The following OR10G4 variants were observed in gnomAD, a reference collection of about 807,000 sequenced individuals.
The protein encoded by OR10G4 is olfactory receptor family 10 subfamily G member 4.
For missense variants in OR10G4, 318 were observed against 388.8 expected (o/e 0.82, Z 1.53); for synonymous variants, 130 against 159.3 (o/e 0.82, Z 1.39).
In OR10G4 at chr11:124,017,814, A is replaced by T. The variant is rs933597083; in HGVS notation, c.*1304A>T. On this transcript the variant is annotated 3_prime_UTR_variant, in exon 2 of 2. Coordinates refer to ENST00000641722, the MANE Select transcript of OR10G4 (RefSeq NM_001004462.2). ...GAATCTCTTGAAGAAATAAAGGATAACTGAAAGATTGACAACACTAGTTAT... is the reference window on the plus strand; with the variant it reads ...GAATCTCTTGAAGAAATAAAGGATATCTGAAAGATTGACAACACTAGTTAT... 1.3e-5 allele frequency: 2 copies of T among 152,204 alleles called. No homozygotes were observed. Among genetic ancestry groups the T allele is most frequent in the African/African-American group, 4.8e-5 (2 of 41,452 alleles). The allele number at this position is 152,204 out of a possible 1,614,324, so 9.4% of individuals were successfully genotyped here.
intron 1 of OR10G4, among the ~76,000 whole-genome samples, chr11:124,014,196 C>T (rs1863995779): frequency 6.6e-6 from 1 of 152,056 alleles, no homozygotes; most frequent in African/African-American, 2.4e-5. Context: ...TTCTTACCTT[C>T]TCTAAGAGAC....
rs185523483 is a variant in OR10G4, at chr11:124,017,217, A to G, written c.*707A>G. ...TTGTATACTCACAGAATAGATTACT[A>G]TCCAGCAATGATAACGAATGATCTA... On this transcript the variant is annotated 3_prime_UTR_variant, in exon 2 of 2. Transcript: ENST00000641722. 6 of 152,236 alleles carry G rather than the reference A, an allele frequency of 3.9e-5. No homozygotes were observed. The highest frequency in any genetic ancestry group is 3.9e-4 in the Admixed American group (6 of 15,276). 9.4% of individuals were successfully genotyped at this position (152,236 alleles called of 1,614,324 possible).
intron 1 of OR10G4, among the ~76,000 whole-genome samples, chr11:124,014,631 T>G (rs6590036): frequency 0.7 from 106,940 of 151,952 alleles, 38,253 homozygotes; most frequent in Admixed American, 0.8. Context: ...TTAATGCTGA[T>G]AATTTATCAG....
Position 124,018,210 on chromosome 11 carries a change from T to G in OR10G4, c.*1700T>G, listed in dbSNP as rs905672273. On this transcript the variant is annotated 3_prime_UTR_variant, in exon 2 of 2. Coordinates refer to ENST00000641722, the MANE Select transcript of OR10G4 (RefSeq NM_001004462.2). ...TAAAATACTTTTTTAAATTTATTTT[T>G]TATTATTATACTTTAAGTTCTGGCA... 6.6e-6 allele frequency: 1 copy of G among 152,238 alleles called. No homozygotes were observed. The highest frequency in any genetic ancestry group is 2.4e-5 in the African/African-American group (1 of 41,476). 9.4% of individuals were successfully genotyped at this position (152,238 alleles called of 1,614,324 possible).
At chr11:124,014,660 T>C (rs1052656988) in intron 1 of OR10G4, among the ~76,000 whole-genome samples, 8 of 152,226 alleles carry the variant, frequency 5.3e-5, no homozygotes, top group Non-Finnish European at 1.2e-4. Context: ...GTGATGTTAG[T>C]GATGTCAAAT....
rs61908597 is a variant in OR10G4, at chr11:124,016,468, G to C, written c.894G>C (p.Val298=). ...TLRNKEVKKA[V]LKLRDKVAHP... ...GAAACAAGGAGGTGAAGAAAGCTGT[G>C]TTGAAACTTAGAGACAAAGTAGCAC... Residue 298 remains valine, a synonymous_variant, in exon 2 of 2, where the codon GTG becomes GTC. Transcript: ENST00000641722. 7.5e-6 allele frequency: 12 copies of C among 1,609,182 alleles called. No homozygotes were observed. The highest frequency in any genetic ancestry group is 1.0e-5 in the Non-Finnish European group (12 of 1,177,666).
rs1248385407 is a variant in OR10G4 at position 124,018,537 on chromosome 11, T to C, written c.*2027T>C. ...CCCTACAAAGAACATGAACTCATCC[T>C]TTCTTATGGCTGCATAGTATTCCAT... is the stretch of plus-strand genomic sequence containing the variant. On this transcript the variant is annotated 3_prime_UTR_variant, in exon 2 of 2. Coordinates refer to ENST00000641722, the MANE Select transcript of OR10G4 (RefSeq NM_001004462.2). 1 of 152,232 alleles carries C rather than the reference T, an allele frequency of 6.6e-6. No individual in the cohort carries two copies. Among genetic ancestry groups the C allele is most frequent in the Non-Finnish European group, 1.5e-5 (1 of 68,046 alleles). The allele number at this position is 152,232 out of a possible 1,614,324, so 9.4% of individuals were successfully genotyped here.
Position 124,017,173 on chromosome 11 carries a change from C to T in OR10G4, c.*663C>T, listed in dbSNP as rs1190531191. On this transcript the variant is annotated 3_prime_UTR_variant, in exon 2 of 2. Transcript: ENST00000641722. The stretch of plus-strand genomic sequence containing the variant: ...CTAGCTATTAATATTTAAAATATTA[C>T]CAATGAATCAATTAGAAATTGTATA... 6.6e-6 allele frequency: 1 copy of T among 152,068 alleles called. No homozygotes were observed. The highest frequency in any genetic ancestry group is 1.5e-5 in the Non-Finnish European group (1 of 68,026). 9.4% of individuals were successfully genotyped at this position (152,068 alleles called of 1,614,324 possible).
chr11:124,014,501 G>A (rs368602083), intron 1 of OR10G4, among the ~76,000 whole-genome samples: 7 of 152,064 alleles, frequency 4.6e-5, no homozygotes, highest in African/African-American at 1.7e-4. Context: ...GCCCTGCTTC[G>A]GCTCACACAT....
intron 1 of OR10G4, among the ~76,000 whole-genome samples, chr11:124,014,091 G>C (rs762254013): frequency 6.6e-6 from 1 of 152,134 alleles, no homozygotes; most frequent in Non-Finnish European, 1.5e-5. Flanking sequence ...CCTAGTGTAA[G>C]AGAAACAGGG....
chr11:124,018,189 A>G lies in OR10G4; in HGVS notation c.*1679A>G, dbSNP rs562943008. 34 of 152,190 alleles carry G rather than the reference A, an allele frequency of 2.2e-4. No homozygotes were observed. The highest frequency in any genetic ancestry group is 4.4e-4 in the Non-Finnish European group (30 of 68,034). The allele number at this position is 152,190 out of a possible 1,614,324, so 9.4% of individuals were successfully genotyped here. A position where few individuals can be genotyped will look rare whatever the true frequency, so the allele number is the denominator to read the frequency against. ...CCTTCTTGGAAAAAAATTAATTAAAATACTTTTTTAAATTTATTTTTTATT... is the reference window on the plus strand; with the variant it reads ...CCTTCTTGGAAAAAAATTAATTAAAGTACTTTTTTAAATTTATTTTTTATT... On this transcript the variant is annotated 3_prime_UTR_variant, in exon 2 of 2. Transcript: ENST00000641722.
intron 1 of OR10G4, chr11:124,014,802 C>T (rs1223991406): frequency 6.6e-6 from 1 of 152,070 alleles, no homozygotes; most frequent in Non-Finnish European, 1.5e-5. Flanking sequence ...AGGTGGAATC[C>T]CAAGGAGCCC....
At position 124,017,075 on chromosome 11, in the gene OR10G4, GTGTA is replaced by G. The variant is rs1864027954; in HGVS notation, c.*571_*574del. ...TATAGGTTTTCATATATTTATGTAT[GTGTA>G]TGTATTTGCCTATTTACATATATAT... On this transcript the variant is annotated 3_prime_UTR_variant, in exon 2 of 2. Transcript: ENST00000641722. The G allele has an allele frequency of 6.6e-6, 1 of 152,122 alleles. No homozygotes were observed. The highest frequency in any genetic ancestry group is 1.5e-5 in the Non-Finnish European group (1 of 68,036). The allele number at this position is 152,122 out of a possible 1,614,324, so 9.4% of individuals were successfully genotyped here.
Position 124,015,955 on chromosome 11 carries a change from C to T in OR10G4, c.381C>T (p.Tyr127=), listed in dbSNP as rs201562737. 3.8e-5 allele frequency: 61 copies of T among 1,613,864 alleles called. No individual in the cohort carries two copies. The highest frequency in any genetic ancestry group is 5.0e-5 in the Non-Finnish European group (59 of 1,179,956). ...MSYDRYLAIS[Y]PLRYTSMMSG... is the part of the protein sequence containing the mutation. ...ATGATCGCTACTTGGCCATCAGTTA[C>T]CCGCTCAGGTACACCAGCATGATGA... The change falls in exon 2 of 2, where the codon TAC becomes TAT. Residue 127 remains tyrosine, a synonymous_variant. Coordinates refer to ENST00000641722, the MANE Select transcript of OR10G4 (RefSeq NM_001004462.2).
At position 124,017,761 on chromosome 11, in the gene OR10G4, G is replaced by A. The variant is rs994902797; in HGVS notation, c.*1251G>A. On this transcript the variant is annotated 3_prime_UTR_variant, in exon 2 of 2. Coordinates refer to ENST00000641722, the MANE Select transcript of OR10G4 (RefSeq NM_001004462.2). ...ACATGTGGATCTTAAAGTGCGGATT[G>A]AAATGGAATGAGTCCCAAAATGGTC... The A allele has an allele frequency of 1.3e-5, 2 of 152,148 alleles. No individual in the cohort carries two copies. The highest frequency in any genetic ancestry group is 4.8e-5 in the African/African-American group (2 of 41,424). The allele number at this position is 152,148 out of a possible 1,614,324, so 9.4% of individuals were successfully genotyped here. A position where few individuals can be genotyped will look rare whatever the true frequency, so the allele number is the denominator to read the frequency against.
chr11:124,015,869 C>T lies in OR10G4; in HGVS notation c.295C>T (p.Gln99Ter). The change falls in exon 2 of 2, where the codon CAG becomes TAG. Residue 99 changes from glutamine (Q) to a stop codon, truncating the protein, a stop_gained. Coordinates refer to ENST00000641722, the MANE Select transcript of OR10G4 (RefSeq NM_001004462.2). LOFTEE classifies it low-confidence loss of function (END_TRUNC). ...RAISFHSCVA[Q>*]LYFFHFLGST... is the part of the protein sequence containing the mutation. ...TATCTCCTTCCACAGCTGCGTGGCTCAGCTCTATTTTTTCCACTTCCTGGG... is the reference window on the plus strand; with the variant it reads ...TATCTCCTTCCACAGCTGCGTGGCTTAGCTCTATTTTTTCCACTTCCTGGG... 6.2e-7 allele frequency: 1 copy of T among 1,612,648 alleles called. No homozygotes were observed. The highest frequency in any genetic ancestry group is 8.5e-7 in the Non-Finnish European group (1 of 1,179,028).
In OR10G4 at chr11:124,015,562, A is replaced by G. The variant is rs1555153963; in HGVS notation, c.-13A>G. 2.5e-6 allele frequency: 4 copies of G among 1,607,250 alleles called. No homozygotes were observed. In the South Asian group the frequency reaches 3.3e-5, roughly 13 times the overall value. ...TATATCCCCAGAGGGAGAGAGACCA[A>G]GGGTGAGAAGAAATGTCCAACGCCA... On this transcript the variant is annotated 5_prime_UTR_variant, in exon 2 of 2. Transcript: ENST00000641722.
chr11:124,015,347 C>T (rs967831878), intron 1 of OR10G4: 35 of 596,340 alleles, frequency 5.9e-5, no homozygotes, highest in African/African-American at 5.2e-4. Context: ...GCATGTGTGT[C>T]TCTGTGTGTG....
In OR10G4 at chr11:124,016,296, C is replaced by T; in HGVS notation, c.722C>T (p.Ala241Val). The T allele has an allele frequency of 1.2e-6, 2 of 1,614,172 alleles. No homozygotes were observed. Among genetic ancestry groups the T allele is most frequent in the Admixed American group, 1.7e-5 (1 of 60,028 alleles). The stretch of plus-strand genomic sequence containing the variant: ...AGGCGCAGAGCCTTTCAGACCTGTG[C>T]CTCCCACTGTATTGTGGTCCTTTGC... ...DGRRRAFQTC[A>V]SHCIVVLCFF... Residue 241 changes from alanine to valine, a missense_variant, in exon 2 of 2, where the codon GCC (alanine) becomes GTC (valine). Coordinates refer to ENST00000641722, the MANE Select transcript of OR10G4 (RefSeq NM_001004462.2).
Sources: gnomAD v4.1 joint callset for allele counts (sites outside exome capture counted in the v4.1 genomes callset) on GRCh38, gnomAD v4.1.1 for gene constraint, MANE v1.5 for transcripts, NCBI Gene and HGNC (gene_info 2026-07-23, HGNC 2026-07-21) for gene names.